Variants in VPS13B observed in about 807,000 individuals in gnomAD.
VPS13B encodes the protein vacuolar protein sorting 13 homolog B.
A neutral mutation model predicts 426.4 loss-of-function variants in VPS13B; 285 were observed. The observed-to-expected ratio is 0.67, with a 90% CI of 0.61 to 0.74. The LOEUF is 0.74. VPS13B is among the 30% of genes least tolerant of loss of function. The pLI is 0.00. For missense variants in VPS13B, 4,537 were observed against 4,782.6 expected, an observed-to-expected ratio of 0.95 and a Z score of 1.51; for synonymous variants, 1,676 against 1,676.4, an observed-to-expected ratio of 1.00 and a Z score of 0.01.
intron 17 of VPS13B, among the ~76,000 whole-genome samples, chr8:99,260,830 G>A (rs1161722685): frequency 1.3e-5 from 2 of 151,838 alleles, no homozygotes; most frequent in Non-Finnish European, 2.9e-5. Flanking sequence ...TCTATTTCTA[G>A]TCTCTTGTAC....
chr8:99,448,779 C>T (rs1229635339), intron 23 of VPS13B, among the ~76,000 whole-genome samples: 1 of 152,132 alleles, frequency 6.6e-6, no homozygotes, highest in Non-Finnish European at 1.5e-5. Context: ...ATTTCATCTT[C>T]AGTCATTTCC....
At chr8:99,308,597 G>T (rs1432319029) in intron 19 of VPS13B, among the ~76,000 whole-genome samples, 1 of 152,102 alleles carries the variant, frequency 6.6e-6, no homozygotes, top group South Asian at 2.1e-4. Flanking sequence ...CATTTGGGTT[G>T]GTTCCAAGTC....
chr8:99,478,086 TAA>T (rs371899284), intron 24 of VPS13B, among the ~76,000 whole-genome samples: 1 of 141,586 alleles, frequency 7.1e-6, no homozygotes, highest in Admixed American at 7.0e-5. Context: ...TGTCTTTATT[TAA>T]AAAAAAAAAA....
chr8:99,780,859 T>C (rs1348901842), intron 42 of VPS13B, among the ~76,000 whole-genome samples: 1 of 152,202 alleles, frequency 6.6e-6, no homozygotes, highest in Non-Finnish European at 1.5e-5. Flanking sequence ...TACAAAGGGT[T>C]ATTGAGTTCA....
At chr8:99,078,777 G>A (rs1178306372) in intron 3 of VPS13B, among the ~76,000 whole-genome samples, 1 of 152,140 alleles carries the variant, frequency 6.6e-6, no homozygotes, top group Non-Finnish European at 1.5e-5. Context: ...CCAGTGGCAG[G>A]CCAGCAGTGG....
chr8:99,423,199 A>G (rs190844511), intron 21 of VPS13B, among the ~76,000 whole-genome samples: 6 of 151,772 alleles, frequency 4.0e-5, no homozygotes, highest in African/African-American at 1.5e-4. Context: ...CACCCTCACA[A>G]CTTTTACTAT....
At chr8:99,589,959 T>A (rs1313852601) in intron 33 of VPS13B, among the ~76,000 whole-genome samples, 2 of 152,192 alleles carry the variant, frequency 1.3e-5, no homozygotes, top group Non-Finnish European at 2.9e-5. Context: ...TGTGAATCCG[T>A]CTGGTCCTGG....
At chr8:99,054,971 A>G (rs1055869645) in intron 3 of VPS13B, among the ~76,000 whole-genome samples, 2 of 149,592 alleles carry the variant, frequency 1.3e-5, no homozygotes, top group Admixed American at 6.6e-5. Context: ...GAACAACACT[A>G]TTTTGATTAT....
intron 19 of VPS13B, among the ~76,000 whole-genome samples, chr8:99,362,815 C>A (rs1812642010): frequency 6.6e-6 from 1 of 152,152 alleles, no homozygotes; most frequent in Non-Finnish European, 1.5e-5. Flanking sequence ...GATTTCCTTT[C>A]CTTTGGGTTT....
chr8:99,014,065 G>C, intron 2 of VPS13B, 130 bp downstream of exon 2: 1 of 868,200 alleles, frequency 1.2e-6, no homozygotes, highest in African/African-American at 1.7e-5. Flanking sequence ...GAGCTACCCT[G>C]AAACAAGGGG....
chr8:99,019,666 A>G (rs1041517640), intron 2 of VPS13B, among the ~76,000 whole-genome samples: 7 of 152,228 alleles, frequency 4.6e-5, no homozygotes, highest in African/African-American at 1.4e-4. Context: ...GCCCCTTGGC[A>G]ACCACCATTC....
intron 33 of VPS13B, among the ~76,000 whole-genome samples, chr8:99,629,834 C>T (rs573553074): frequency 2.6e-5 from 4 of 152,266 alleles, no homozygotes; most frequent in African/African-American, 9.6e-5. Flanking sequence ...TTCAGGTTCC[C>T]ATAATTGTCA....
chr8:99,774,450 A>G (rs1386789347), intron 40 of VPS13B, among the ~76,000 whole-genome samples: 1 of 152,212 alleles, frequency 6.6e-6, no homozygotes, highest in African/African-American at 2.4e-5. Flanking sequence ...TAAAGATTGT[A>G]TTAGATACTC....
chr8:99,069,032 A>C (rs1015888515), intron 3 of VPS13B, among the ~76,000 whole-genome samples: 73 of 152,104 alleles, frequency 4.8e-4, no homozygotes, highest in African/African-American at 1.7e-3. Flanking sequence ...TAAAAGCATA[A>C]AATAATTTAA....
intron 17 of VPS13B, among the ~76,000 whole-genome samples, chr8:99,269,393 ATG>A (rs1174626972): frequency 1.3e-5 from 2 of 152,120 alleles, no homozygotes; most frequent in Non-Finnish European, 2.9e-5. Flanking sequence ...ATTTTTTCAA[ATG>A]TGGGTATTTT....
chr8:99,788,436 G>A (rs1453196865), intron 43 of VPS13B, among the ~76,000 whole-genome samples: 1 of 146,612 alleles, frequency 6.8e-6, no homozygotes, highest in Non-Finnish European at 1.5e-5. Context: ...TAATTTTGAT[G>A]AGCAGCAGAG....
chr8:99,020,148 C>T (rs935877166), intron 2 of VPS13B, among the ~76,000 whole-genome samples: 6 of 75,408 alleles, frequency 8.0e-5, no homozygotes, highest in Admixed American at 4.2e-4. Flanking sequence ...TGTTGTTTTA[C>T]GTGTTTTTTT....
At chr8:99,841,597 AC>A (rs1462017128) in intron 54 of VPS13B, among the ~76,000 whole-genome samples, 1 of 152,192 alleles carries the variant, frequency 6.6e-6, no homozygotes, top group Non-Finnish European at 1.5e-5. Context: ...TGAGAGGTGA[AC>A]TTGCTCAGGA....
chr8:99,551,118 A>T (rs1408316862), intron 30 of VPS13B, among the ~76,000 whole-genome samples: 2 of 152,040 alleles, frequency 1.3e-5, no homozygotes, highest in African/African-American at 4.8e-5. Context: ...GTTTTCCACC[A>T]TGGAGGACAG....
Sources: allele counts gnomAD v4.1 joint callset (sites outside exome capture counted in the v4.1 genomes callset), GRCh38; gene constraint gnomAD v4.1.1; transcripts MANE v1.5; gene names NCBI Gene and HGNC (gene_info 2026-07-23, HGNC 2026-07-21).